Variants in MAST4 observed in about 807,000 individuals in gnomAD.
The protein encoded by MAST4 is microtubule-associated serine/threonine-protein kinase 4.
A neutral mutation model predicts 162.7 loss-of-function variants in MAST4; 89 were observed. That is an observed-to-expected ratio of 0.55 (90% confidence interval 0.46 to 0.65). MAST4 has a LOEUF of 0.65. MAST4 is among the 30% of genes least tolerant of loss of function. The pLI is 0.00. For synonymous variants in MAST4, 1,479 were observed against 1,361.1 expected, an observed-to-expected ratio of 1.09 and a Z score of -1.91; for missense variants, 3,153 against 3,374.0, an observed-to-expected ratio of 0.93 and a Z score of 1.62.
At chr5:66,835,111 T>A (rs1757873027) in intron 3 of MAST4, among the ~76,000 whole-genome samples, 1 of 152,192 alleles carries the variant, frequency 6.6e-6, no homozygotes, top group Non-Finnish European at 1.5e-5. Context: ...GTCCTTGGCT[T>A]TTATTGAGTG....
chr5:66,838,374 T>A (rs1160604528), intron 3 of MAST4, among the ~76,000 whole-genome samples: 1 of 152,184 alleles, frequency 6.6e-6, no homozygotes, highest in African/African-American at 2.4e-5. Context: ...AACCCCATTC[T>A]TTGCTTTTCT....
At position 66,802,381 on chromosome 5, in the gene MAST4, T is replaced by C. The variant is rs1432680444; in HGVS notation, c.642+13587T>C. ...ATTTCATATAACTAAACTAAGTATT[T>C]GAGAGCCCAACCAGAGAATTATGGC... On this transcript the variant is annotated intron_variant, in intron 3 of 28. Transcript: ENST00000403625. 2.0e-5 allele frequency among the ~76,000 whole-genome samples: 3 copies of C among 152,210 alleles called. No individual in the cohort carries two copies. In the East Asian group the frequency reaches 5.8e-4, roughly 29 times the overall value.
intron 4 of MAST4, among the ~76,000 whole-genome samples, chr5:67,022,159 T>G (rs1754069448): frequency 6.6e-6 from 1 of 152,186 alleles, no homozygotes; most frequent in Admixed American, 6.5e-5. Context: ...TAATAAAGGT[T>G]TATTGAATGA....
chr5:66,937,940 A>G (rs1420992723), intron 4 of MAST4, among the ~76,000 whole-genome samples: 1 of 151,912 alleles, frequency 6.6e-6, no homozygotes, highest in Non-Finnish European at 1.5e-5. Context: ...TTATGTTAAT[A>G]GTTTCTTCTT....
intron 3 of MAST4, among the ~76,000 whole-genome samples, chr5:66,790,398 C>A (rs1458710014): frequency 6.6e-6 from 1 of 152,066 alleles, no homozygotes; most frequent in Non-Finnish European, 1.5e-5. Flanking sequence ...CTGGAATTTC[C>A]TGATTCTTCT....
At chr5:66,666,726 G>A (rs1747285155) in intron 1 of MAST4, among the ~76,000 whole-genome samples, 1 of 152,170 alleles carries the variant, frequency 6.6e-6, no homozygotes, top group Non-Finnish European at 1.5e-5. Context: ...AATTCATGCA[G>A]CTGTGACTTT....
At chr5:66,837,884 ATATATATATATTTTTTTT>A (rs1232960785) in intron 3 of MAST4, among the ~76,000 whole-genome samples, 10 of 77,488 alleles carry the variant, frequency 1.3e-4, no homozygotes, top group African/African-American at 1.7e-4. Context: ...ATATATATAT[ATATATATATATTTTTTTT>A]TTTTTTTTTT....
At chr5:66,701,424 T>G (rs1749770043) in intron 1 of MAST4, among the ~76,000 whole-genome samples, 1 of 152,248 alleles carries the variant, frequency 6.6e-6, no homozygotes, top group African/African-American at 2.4e-5. Flanking sequence ...GAGAGGGGTC[T>G]GTAGCTCTTG....
chr5:66,978,313 G>A (rs1003295005), intron 4 of MAST4, among the ~76,000 whole-genome samples: 2 of 152,162 alleles, frequency 1.3e-5, no homozygotes, highest in African/African-American at 4.8e-5. Flanking sequence ...AGGAAGTAAA[G>A]ACCTAAAATG....
intron 25 of MAST4, 140 bp downstream of exon 25, chr5:67,153,006 T>G: frequency 7.4e-6 from 5 of 677,844 alleles, no homozygotes; most frequent in Non-Finnish European, 1.3e-5. Flanking sequence ...TAGAGCTCCA[T>G]CCCTGTATGT....
chr5:67,020,598 C>T (rs1426448840), intron 4 of MAST4, among the ~76,000 whole-genome samples: 4 of 152,152 alleles, frequency 2.6e-5, no homozygotes, highest in South Asian at 2.1e-4. Flanking sequence ...TTCAAGTTGA[C>T]GCCTCTTCCT....
At chr5:66,678,834 C>T (rs978968591) in intron 1 of MAST4, among the ~76,000 whole-genome samples, 2 of 151,676 alleles carry the variant, frequency 1.3e-5, no homozygotes, top group African/African-American at 4.9e-5. Context: ...CTCTGTCGCC[C>T]AGGCTAGAGT....
intron 1 of MAST4, among the ~76,000 whole-genome samples, chr5:66,687,637 TATC>T (rs778869675): frequency 0.013 from 143 of 11,028 alleles, no homozygotes; most frequent in African/African-American, 0.041. Flanking sequence ...TGTGTGTGTT[TATC>T]TATCTATCTA....
rs766339253 is a variant in MAST4, at chr5:67,090,244, T to C, written c.833+13T>C. On this transcript the variant is annotated intron_variant, in intron 6 of 28. Coordinates refer to ENST00000403625, the MANE Select transcript of MAST4 (RefSeq NM_001164664.2). ...CATTTGCACGGAGGTAAGGACTTTT[T>C]GTGAGTGGAGGCATAAGGTCTTATA... The C allele has an allele frequency of 6.2e-7, 1 of 1,604,624 alleles. No individual in the cohort carries two copies.
In MAST4 at chr5:67,165,528, A is replaced by C. The variant is rs762425280; in HGVS notation, c.6349A>C (p.Lys2117Gln). The change falls in exon 29 of 29, where the codon AAG becomes CAG. Residue 2117 changes from lysine to glutamine, a missense_variant. This residue lies in a region of MAST4 where 1,644 missense variants were observed against 1,495.0 expected (regional missense o/e 1.10). Coordinates refer to ENST00000403625, the MANE Select transcript of MAST4 (RefSeq NM_001164664.2). ...SFPSLQKDGAKEPERKEQPLQ... is the reference protein window; with the variant it reads ...SFPSLQKDGAQEPERKEQPLQ... ...CCCATCTTTGCAGAAAGATGGTGCC[A>C]AGGAACCTGAAAGGAAGGAGCAGCC... 12 of 1,613,880 alleles carry C rather than the reference A, an allele frequency of 7.4e-6. No individual in the cohort carries two copies. The highest frequency in any genetic ancestry group is 1.6e-4 in the Middle Eastern group (1 of 6,084).
At chr5:66,802,906 G>A (rs1330256185) in intron 3 of MAST4, among the ~76,000 whole-genome samples, 2 of 152,086 alleles carry the variant, frequency 1.3e-5, no homozygotes, top group African/African-American at 2.4e-5. Context: ...TTATTCAGTG[G>A]TTTGGAGGCT....
intron 1 of MAST4, among the ~76,000 whole-genome samples, chr5:66,693,723 A>G (rs1749208768): frequency 6.6e-6 from 1 of 152,104 alleles, no homozygotes; most frequent in African/African-American, 2.4e-5. Flanking sequence ...AGACGCTATC[A>G]AATCTCTTAA....
rs201993384 is a variant in MAST4, at chr5:67,164,098, C to T, written c.4919C>T (p.Pro1640Leu). The T allele has an allele frequency of 9.3e-5, 147 of 1,577,450 alleles. No homozygotes were observed. Among genetic ancestry groups the T allele is most frequent in the Non-Finnish European group, 9.5e-5 (110 of 1,160,626 alleles). ...GGTGGCGGGGACTTCAGACGGGCCCCCGCTCCTGGCACCCTCCAGGATGGT... is the reference window on the plus strand; with the variant it reads ...GGTGGCGGGGACTTCAGACGGGCCCTCGCTCCTGGCACCCTCCAGGATGGT... ...RQGGGDFRRA[P>L]APGTLQDGLC... is the part of the protein sequence containing the mutation. The change falls in exon 29 of 29, where the codon CCC (proline) becomes CTC (leucine). Residue 1640 changes from proline (P) to leucine (L), a missense_variant. Physicochemically the swap from Pro to Leu is moderately conservative, Grantham distance 98. Transcript: ENST00000403625. This position sits in a 1 kb window ranked among gnomAD's most constrained non-coding sequence, Gnocchi z 5.3.
At chr5:66,906,244 G>A (rs910255910) in intron 4 of MAST4, among the ~76,000 whole-genome samples, 1 of 152,106 alleles carries the variant, frequency 6.6e-6, no homozygotes, top group Non-Finnish European at 1.5e-5. Flanking sequence ...GGTATCATGA[G>A]GCATGTCTGA....
Sources: allele counts gnomAD v4.1 joint callset (sites outside exome capture counted in the v4.1 genomes callset), GRCh38; gene constraint gnomAD v4.1.1; regional missense constraint gnomAD v4.1.1; non-coding constraint Gnocchi (gnomAD v3.1); transcripts MANE v1.5; gene names NCBI Gene and HGNC (gene_info 2026-07-23, HGNC 2026-07-21).